Variants in TMEM164 observed in about 807,000 individuals in gnomAD.
TMEM164 encodes the protein transmembrane protein 164.
TMEM164 carries 4 observed loss-of-function variants against 18.8 expected under a neutral mutation model. That is an observed-to-expected ratio of 0.21 (90% CI 0.10 to 0.49). TMEM164 has a LOEUF of 0.49. Among genes scored for constraint, TMEM164 ranks in the 20% least tolerant of loss-of-function variants. TMEM164 has a pLI of 0.98. For synonymous variants in TMEM164, 86 were observed against 101.7 expected, an observed-to-expected ratio of 0.85 and a Z score of 0.93; for missense variants, 108 against 239.9, an observed-to-expected ratio of 0.45 and a Z score of 3.63.
At chrX:110,165,807 G>A (rs1049561057) in intron 5 of TMEM164, among the ~76,000 whole-genome samples, 5 of 112,195 alleles carry the variant, frequency 4.5e-5, no homozygotes, top group African/African-American at 1.6e-4. Context: ...AGTTAGTCTA[G>A]ATGTCTCCTT....
At chrX:110,113,790 G>T (rs2147987415) in intron 4 of TMEM164, among the ~76,000 whole-genome samples, 1 of 111,629 alleles carries the variant, frequency 9.0e-6, no homozygotes, top group African/African-American at 3.2e-5. Context: ...GTTTCTCTGG[G>T]TTCTCCATCT....
intron 4 of TMEM164, among the ~76,000 whole-genome samples, chrX:110,134,489 G>T (rs1306148219): frequency 9.5e-6 from 1 of 105,444 alleles, no homozygotes; most frequent in African/African-American, 3.5e-5. Context: ...GAACTCAGGA[G>T]GCAGAGGTTG....
At chrX:110,115,826 A>C (rs1044920684) in intron 4 of TMEM164, among the ~76,000 whole-genome samples, 3 of 112,359 alleles carry the variant, frequency 2.7e-5, no homozygotes, top group African/African-American at 9.7e-5. Flanking sequence ...ATGGTGGCTC[A>C]TACCTGTAAT....
chrX:110,094,793 G>A (rs1174576191), intron 3 of TMEM164, among the ~76,000 whole-genome samples: 2 of 111,872 alleles, frequency 1.8e-5, no homozygotes, highest in Non-Finnish European at 3.8e-5. Context: ...TTACAATTTG[G>A]TATGTTTTTG....
chrX:110,057,770 C>G lies in TMEM164; in HGVS notation c.391-9577C>G, dbSNP rs1456226882. Among the ~76,000 whole-genome samples, 4 of 109,859 alleles carry G rather than the reference C, an allele frequency of 3.6e-5. No individual in the cohort carries two copies. The East Asian group carries it at 1.1e-3, about 31-fold the overall frequency. ...TGATGTTGAGCACCTTTTCATATAC[C>G]TGTTGTCCATTTGTATGCCTTCTTT... On this transcript the variant is annotated intron_variant, in intron 2 of 6. Coordinates refer to ENST00000372068, the MANE Select transcript of TMEM164 (RefSeq NM_032227.4).
intron 2 of TMEM164, among the ~76,000 whole-genome samples, chrX:110,063,078 C>T (rs1024877935): frequency 1.5e-4 from 17 of 111,510 alleles, no homozygotes; most frequent in African/African-American, 4.9e-4. Context: ...TTGGCCTCAG[C>T]GATCCCCAGA....
rs140280799 is a variant in TMEM164, at chrX:110,085,837, A to T, written c.440+18441A>T. On this transcript the variant is annotated intron_variant, in intron 3 of 6. Transcript: ENST00000372068. ...ACAGTGTGCCAGTACCAATTCTGCC[A>T]TTTCTGCCCTTTTGATTTTGGGGAA... Among the ~76,000 whole-genome samples, 357 of 111,893 alleles carry T rather than the reference A, an allele frequency of 3.2e-3. 2 individuals are homozygous for T. Among genetic ancestry groups the T allele is most frequent in the Non-Finnish European group, 5.3e-3 (281 of 53,150 alleles).
At chrX:110,124,176 A>AAGGCAGGAAGGC (rs2066494906) in intron 4 of TMEM164, among the ~76,000 whole-genome samples, 1 of 77,159 alleles carries the variant, frequency 1.3e-5, no homozygotes, top group East Asian at 4.7e-4. Flanking sequence ...GGAAGGAAGG[A>AAGGCAGGAAGGC]AGGCAGGAAG....
intron 2 of TMEM164, among the ~76,000 whole-genome samples, chrX:110,058,581 G>GTCCCC (rs1226740976): frequency 2.0e-5 from 2 of 99,490 alleles, no homozygotes; most frequent in African/African-American, 7.2e-5. Context: ...CATTCTTTGG[G>GTCCCC]TCCCCTCCCC....
chrX:110,157,884 T>A (rs771128385), intron 5 of TMEM164, among the ~76,000 whole-genome samples: 1 of 110,559 alleles, frequency 9.0e-6, no homozygotes, highest in African/African-American at 3.3e-5. Context: ...GGTTGGTTGA[T>A]TGATTGATTG....
At chrX:110,018,031 C>T (rs1472971335) in intron 2 of TMEM164, among the ~76,000 whole-genome samples, 3 of 112,181 alleles carry the variant, frequency 2.7e-5, no homozygotes, top group Non-Finnish European at 3.8e-5. Context: ...CTCACTGAGC[C>T]TGCATGTAGA....
At chrX:110,148,849 C>T (rs2066899652) in intron 5 of TMEM164, among the ~76,000 whole-genome samples, 1 of 110,773 alleles carries the variant, frequency 9.0e-6, no homozygotes, top group African/African-American at 3.3e-5. Context: ...TCAACCCTCT[C>T]TTCACTGCTG....
At position 110,153,018 on chromosome X, in the gene TMEM164, A is replaced by C. The variant is rs147710419; in HGVS notation, c.586+8142A>C. 9.9e-5 allele frequency among the ~76,000 whole-genome samples: 11 copies of C among 111,478 alleles called. No individual in the cohort carries two copies. The East Asian group carries it at 3.1e-3, about 31-fold the overall frequency. On this transcript the variant is annotated intron_variant, in intron 5 of 6. Transcript: ENST00000372068. The stretch of plus-strand genomic sequence containing the variant: ...ATACTGTACACTGTGGTGATACCCA[A>C]ATCCTTGGGGTTCCCTGAGTATTTT...
At chrX:110,035,077 G>C (rs1934720432) in intron 2 of TMEM164, among the ~76,000 whole-genome samples, 1 of 68,657 alleles carries the variant, frequency 1.5e-5, no homozygotes, top group African/African-American at 5.6e-5. Flanking sequence ...TTGTGGGGTG[G>C]GGGGAGGGGG....
rs764457036 is a variant in TMEM164 at position 110,074,300 on chromosome X, G to A, written c.440+6904G>A. Reference sequence around the variant, plus strand: ...ACGTCCTTTGCCCACTTTTTAGTCAGGTTATTTGTTTTTTGCTTGTTGATT... The same window carrying A: ...ACGTCCTTTGCCCACTTTTTAGTCAAGTTATTTGTTTTTTGCTTGTTGATT... On this transcript the variant is annotated intron_variant, in intron 3 of 6. Coordinates refer to ENST00000372068, the MANE Select transcript of TMEM164 (RefSeq NM_032227.4). Among the ~76,000 whole-genome samples, 18 of 111,537 alleles carry A rather than the reference G, an allele frequency of 1.6e-4. No homozygotes were observed. In the South Asian group the frequency reaches 6.3e-3, roughly 39 times the overall value.
At chrX:110,120,104 G>A (rs921640787) in intron 4 of TMEM164, among the ~76,000 whole-genome samples, 27 of 112,158 alleles carry the variant, frequency 2.4e-4, no homozygotes, top group African/African-American at 8.1e-4. Context: ...CAAATAAAAT[G>A]TCCAGACCTT....
intron 4 of TMEM164, among the ~76,000 whole-genome samples, chrX:110,125,313 G>A (rs780483691): frequency 3.6e-5 from 4 of 111,950 alleles, no homozygotes; most frequent in East Asian, 5.6e-4. Context: ...GGAGCCCAGC[G>A]AAATGATTGT....
chrX:110,158,304 C>T (rs1030326524), intron 5 of TMEM164, among the ~76,000 whole-genome samples: 1 of 111,913 alleles, frequency 8.9e-6, no homozygotes, highest in Non-Finnish European at 1.9e-5. Context: ...ATTTTTCTGG[C>T]ACTGGTTTGT....
At chrX:110,098,024 C>T (rs911149970) in intron 3 of TMEM164, among the ~76,000 whole-genome samples, 2 of 111,724 alleles carry the variant, frequency 1.8e-5, no homozygotes, top group South Asian at 7.5e-4. Flanking sequence ...TAGAACTGCT[C>T]CATCACTTCT....
Sources: gnomAD v4.1 joint callset for allele counts (sites outside exome capture counted in the v4.1 genomes callset) on GRCh38, gnomAD v4.1.1 for gene constraint, MANE v1.5 for transcripts, NCBI Gene and HGNC (gene_info 2026-07-23, HGNC 2026-07-21) for gene names.